PRTG: variants seen among roughly 807,000 people sequenced by gnomAD.
PRTG encodes protogenin.
Under a neutral mutation model 122.5 loss-of-function variants are expected in PRTG, and 67 were observed. The observed-to-expected ratio is 0.55, with a 90% CI of 0.45 to 0.67. PRTG has a LOEUF of 0.67. Among genes scored for constraint, PRTG ranks in the 30% least tolerant of loss-of-function variants. The pLI, the probability that PRTG is intolerant of heterozygous loss-of-function variation, is 0.00. For missense variants in PRTG, 1,435 were observed against 1,415.4 expected (o/e 1.01, Z -0.22); for synonymous variants, 554 against 501.1 (o/e 1.11, Z -1.41).
rs1384704139 is a variant in PRTG at position 55,639,644 on chromosome 15, T to C, written c.2322A>G (p.Gln774=). 6 of 1,613,260 alleles carry C rather than the reference T, an allele frequency of 3.7e-6. No individual in the cohort carries two copies. Among genetic ancestry groups the C allele is most frequent in the Non-Finnish European group, 3.4e-6 (4 of 1,179,508 alleles). The change falls in exon 13 of 20, where the codon CAA becomes CAG. Residue 774 remains glutamine (Q), a splice_region_variant and synonymous_variant. Transcript: ENST00000389286. ...LQNASLVLYL[Q]TSETHMLVQG... ...AACCATTAACAGGAGCTACATACGT[T>C]TGAAGGTACAGAACCAAAGAAGCAT...
intron 12 of PRTG, 43 bp downstream of exon 12, chr15:55,641,070 G>C (rs534398129): frequency 2.3e-6 from 3 of 1,307,524 alleles, no homozygotes; most frequent in Non-Finnish European, 3.3e-6. Context: ...GAGAAAGAAC[G>C]GTGTGAGCCA....
rs2059157171 is a variant in PRTG at position 55,619,990 on chromosome 15, T to C, written c.*22A>G. ...ACTTCCTCAATGCGGAATCTCCACC[T>C]GAATCACTGCCAGTGAAAGAATCAG... On this transcript the variant is annotated 3_prime_UTR_variant, in exon 20 of 20. Coordinates refer to ENST00000389286, the MANE Select transcript of PRTG (RefSeq NM_173814.6). 6.2e-7 allele frequency: 1 copy of C among 1,612,926 alleles called. No homozygotes were observed. Among genetic ancestry groups the C allele is most frequent in the East Asian group, 2.2e-5 (1 of 44,868 alleles).
At chr15:55,669,004 G>C (rs774614262) in intron 11 of PRTG, among the ~76,000 whole-genome samples, 1 of 151,946 alleles carries the variant, frequency 6.6e-6, no homozygotes, top group Non-Finnish European at 1.5e-5. Flanking sequence ...TTTTTATGTA[G>C]TACTACATCT....
chr15:55,691,862 G>A (rs190617209), intron 2 of PRTG, among the ~76,000 whole-genome samples: 126 of 151,622 alleles, frequency 8.3e-4, no homozygotes, highest in African/African-American at 2.8e-3. Flanking sequence ...GCGAGACCCC[G>A]TCTCTACAAA....
At chr15:55,631,567 T>G (rs1387654181) in intron 15 of PRTG, among the ~76,000 whole-genome samples, 1 of 152,254 alleles carries the variant, frequency 6.6e-6, no homozygotes, top group Admixed American at 6.5e-5. Flanking sequence ...CTCAGTGATC[T>G]GTCTATATTC....
In PRTG at chr15:55,740,653, T is replaced by G; in HGVS notation, c.126A>C (p.Val42=). Residue 42 remains valine, a synonymous_variant, in exon 2 of 20, where the codon GTA becomes GTC. Transcript: ENST00000389286. The part of the protein sequence containing the change: ...GVWCFSELSF[V]KEPQDVTVTR... ...TGACAGTTACATCCTGTGGTTCTTT[T>G]ACAAAAGACAGTTCGCTAAAGCACC... 1.2e-6 allele frequency: 2 copies of G among 1,613,610 alleles called. No homozygotes were observed. The highest frequency in any genetic ancestry group is 2.2e-5 in the South Asian group (2 of 91,014).
chr15:55,650,414 T>G (rs2059347239), intron 11 of PRTG, among the ~76,000 whole-genome samples: 1 of 151,972 alleles, frequency 6.6e-6, no homozygotes, highest in South Asian at 2.1e-4. Flanking sequence ...ACAAGAAGCA[T>G]GGGGAAGAAG....
At chr15:55,629,415 GTGTGTGTGTGTGTGTGTGTGTAA>G (rs2059215026) in intron 15 of PRTG, among the ~76,000 whole-genome samples, 1 of 132,776 alleles carries the variant, frequency 7.5e-6, no homozygotes, top group African/African-American at 3.2e-5. Context: ...GTGTGTGTGT[GTGTGTGTGTGTGTGTGTGTGTAA>G]TGTTTTACTC....
intron 15 of PRTG, among the ~76,000 whole-genome samples, chr15:55,629,427 GTGTGTGTGTA>G (rs2059215175): frequency 6.9e-6 from 1 of 144,450 alleles, no homozygotes; most frequent in African/African-American, 2.6e-5. Flanking sequence ...GTGTGTGTGT[GTGTGTGTGTA>G]ATGTTTTACT....
At position 55,620,687 on chromosome 15, in the gene PRTG, GTCTTGGAAAAAAAACCACTTTT is replaced by G; in HGVS notation, c.3152_3173del (p.Lys1051ThrfsTer28). On this transcript the variant is annotated frameshift_variant, in exon 19 of 20. Coordinates refer to ENST00000389286, the MANE Select transcript of PRTG (RefSeq NM_173814.6). LOFTEE classifies it high-confidence loss of function. ...CCTGCTCAACTTGTATCTTCTTTGA[GTCTTGGAAAAAAAACCACTTTT>G]TCTTAGAGTTGTTTTTAATTATAGG... 1 of 1,596,998 alleles carries G rather than the reference GTCTTGGAAAAAAAACCACTTTT, an allele frequency of 6.3e-7. No individual in the cohort carries two copies. The highest frequency in any genetic ancestry group is 1.8e-5 in the Admixed American group (1 of 54,702).
chr15:55,727,427 A>ATT (rs2031073144), intron 2 of PRTG, among the ~76,000 whole-genome samples: 1 of 152,200 alleles, frequency 6.6e-6, no homozygotes, highest in Admixed American at 6.5e-5. Flanking sequence ...GAAAACACAA[A>ATT]TTACCTAAAC....
intron 2 of PRTG, among the ~76,000 whole-genome samples, chr15:55,716,125 C>G (rs2030588425): frequency 6.6e-6 from 1 of 152,142 alleles, no homozygotes; most frequent in Non-Finnish European, 1.5e-5. Context: ...GCCACCTGCT[C>G]AGGAGGCTGA....
At chr15:55,722,500 G>A (rs749561642) in intron 2 of PRTG, among the ~76,000 whole-genome samples, 2 of 152,154 alleles carry the variant, frequency 1.3e-5, no homozygotes, top group African/African-American at 2.4e-5. Flanking sequence ...ATTTTCCTAC[G>A]TGTTCTAGAA....
In PRTG at chr15:55,624,422, C is replaced by T. The variant is rs1262637945; in HGVS notation, c.3013G>A (p.Gly1005Arg). Residue 1005 changes from glycine (G) to arginine (R), a missense_variant, in exon 18 of 20, where the codon GGA becomes AGA. Coordinates refer to ENST00000389286, the MANE Select transcript of PRTG (RefSeq NM_173814.6). ...SASLASGNEV[G>R]KNLEGAVGNE... is the part of the protein sequence containing the mutation. ...CCTACAGCTCCTTCCAGGTTCTTTC[C>T]TACCTCATTTCCACTAGCTAAGGAG... 6.2e-7 allele frequency: 1 copy of T among 1,613,808 alleles called. No individual in the cohort carries two copies. Among genetic ancestry groups the T allele is most frequent in the African/African-American group, 1.3e-5 (1 of 74,904 alleles).
intron 7 of PRTG, 65 bp downstream of exon 7, chr15:55,679,221 T>C: frequency 9.5e-7 from 1 of 1,057,908 alleles, no homozygotes; most frequent in Non-Finnish European, 1.4e-6. Flanking sequence ...TTATAACCAT[T>C]TCACATAAAA....
chr15:55,628,752 A>C, intron 16 of PRTG, 70 bp downstream of exon 16: 1 of 1,222,504 alleles, frequency 8.2e-7, no homozygotes, highest in Non-Finnish European at 1.1e-6. Flanking sequence ...TTGTAGGAGC[A>C]GAAATAATGT....
At chr15:55,633,132 T>G (rs1223083585) in intron 15 of PRTG, among the ~76,000 whole-genome samples, 2 of 152,166 alleles carry the variant, frequency 1.3e-5, no homozygotes, top group African/African-American at 4.8e-5. Flanking sequence ...AGGACAGAAT[T>G]CATGAATTGC....
chr15:55,652,475 A>ACTC (rs1238258484), intron 11 of PRTG, among the ~76,000 whole-genome samples: 1 of 151,998 alleles, frequency 6.6e-6, no homozygotes, highest in African/African-American at 2.4e-5. Context: ...CCAACTGGAG[A>ACTC]GCTCCTTGGT....
Position 55,673,393 on chromosome 15 carries a change from C to A in PRTG, c.1830G>T (p.Thr610=), listed in dbSNP as rs371923467. 8 of 1,612,594 alleles carry A rather than the reference C, an allele frequency of 5.0e-6. No individual in the cohort carries two copies. The highest frequency in any genetic ancestry group is 2.7e-5 in the African/African-American group (2 of 74,892). ...CACCTTTCACGCTTGTAGCTTTGGG[C>A]GTCCTATGTGAAGTCCATACTGATG... The part of the protein sequence containing the change: ...GESSVWTSHR[T]PKATSVKAPK... Residue 610 remains threonine, a synonymous_variant, in exon 10 of 20, where the codon ACG becomes ACT. Transcript: ENST00000389286.
Sources: gnomAD v4.1 joint callset for allele counts (sites outside exome capture counted in the v4.1 genomes callset) on GRCh38, gnomAD v4.1.1 for gene constraint, MANE v1.5 for transcripts, NCBI Gene and HGNC (gene_info 2026-07-23, HGNC 2026-07-21) for gene names.